Variants in ZNF131 observed in about 807,000 individuals in gnomAD.
ZNF131 encodes the protein zinc finger and BTB domain containing 35.
In ZNF131, 7 loss-of-function variants were observed where a neutral mutation model predicts 60.0. The ratio of observed to expected loss-of-function variants is 0.12; its 90% CI spans 0.07 to 0.22. The LOEUF (loss-of-function observed/expected upper bound fraction) is 0.22, where lower values mean the gene tolerates loss of function less well. Among genes scored for constraint, ZNF131 ranks in the 10% least tolerant of loss-of-function variants. The pLI is 1.00. For synonymous variants in ZNF131, 257 were observed against 253.2 expected (o/e 1.01, Z -0.14); for missense variants, 493 against 740.9 (o/e 0.67, Z 3.88).
At chr5:43,146,908 T>C (rs970393082) in intron 4 of ZNF131, among the ~76,000 whole-genome samples, 4 of 152,008 alleles carry the variant, frequency 2.6e-5, no homozygotes, top group African/African-American at 9.7e-5. Context: ...TCTCAAAATA[T>C]ATATATATAT....
intron 3 of ZNF131, among the ~76,000 whole-genome samples, chr5:43,136,884 A>G (rs2112234534): frequency 6.6e-6 from 1 of 152,216 alleles, no homozygotes; most frequent in Middle Eastern, 3.4e-3. Flanking sequence ...AAGGAGCAGA[A>G]TAGAGAGCCC....
Position 43,122,045 on chromosome 5 carries a change from C to G in ZNF131, c.-9C>G. ...TCATGCTCTTCTTTTGTAGAGCAGC[C>G]CGACGGCCATGGAGGCTGAAGAGAC... On this transcript the variant is annotated 5_prime_UTR_variant, in exon 2 of 7. Coordinates refer to ENST00000682664, the MANE Select transcript of ZNF131 (RefSeq NM_001330707.2). The G allele has an allele frequency of 6.2e-7, 1 of 1,613,850 alleles. No homozygotes were observed. The highest frequency in any genetic ancestry group is 2.2e-5 in the East Asian group (1 of 44,876).
At chr5:43,143,886 A>G (rs1747182253) in intron 4 of ZNF131, among the ~76,000 whole-genome samples, 1 of 114,840 alleles carries the variant, frequency 8.7e-6, no homozygotes, top group Admixed American at 1.0e-4. Flanking sequence ...GTTCTCTGGA[A>G]TATTGTCAGA....
At chr5:43,155,688 G>T (rs900812788) in intron 4 of ZNF131, among the ~76,000 whole-genome samples, 1 of 152,208 alleles carries the variant, frequency 6.6e-6, no homozygotes, top group Admixed American at 6.5e-5. Flanking sequence ...GGCACATACT[G>T]TCCAGCACCC....
At position 43,122,040 on chromosome 5, in the gene ZNF131, G is replaced by C; in HGVS notation, c.-14G>C. The C allele has an allele frequency of 6.2e-7, 1 of 1,613,564 alleles. No individual in the cohort carries two copies. The highest frequency in any genetic ancestry group is 8.5e-7 in the Non-Finnish European group (1 of 1,179,868). On this transcript the variant is annotated splice_region_variant and 5_prime_UTR_variant, in exon 2 of 7. Transcript: ENST00000682664. ...CATTATCATGCTCTTCTTTTGTAGA[G>C]CAGCCCGACGGCCATGGAGGCTGAA...
intron 5 of ZNF131, 39 bp downstream of exon 5, chr5:43,161,970 C>T (rs774420997): frequency 2.0e-6 from 3 of 1,514,624 alleles, no homozygotes; most frequent in East Asian, 4.6e-5. Context: ...TTTTTTCCCA[C>T]ATGCACTTCA....
chr5:43,167,275 A>C (rs976869190), intron 5 of ZNF131, among the ~76,000 whole-genome samples: 1 of 152,214 alleles, frequency 6.6e-6, no homozygotes, highest in African/African-American at 2.4e-5. Context: ...GACAGACGTG[A>C]GGTGAGTACA....
Position 43,139,526 on chromosome 5 carries a change from G to A in ZNF131, c.371+217G>A, listed in dbSNP as rs17242995. Among the ~76,000 whole-genome samples, 14,777 of 152,206 alleles carry A rather than the reference G, an allele frequency of 0.097. 852 individuals are homozygous for A. Among genetic ancestry groups the A allele is most frequent in the East Asian group, 0.19 (969 of 5,178 alleles). ...TGTTAAAACTGCTAATATTAAAGTA[G>A]CATCTTTGGTATGTAATAAAATAAA... is the stretch of plus-strand genomic sequence containing the variant. On this transcript the variant is annotated intron_variant, in intron 4 of 6. Coordinates refer to ENST00000682664, the MANE Select transcript of ZNF131 (RefSeq NM_001330707.2).
At chr5:43,163,494 A>G (rs1750002971) in intron 5 of ZNF131, among the ~76,000 whole-genome samples, 1 of 152,202 alleles carries the variant, frequency 6.6e-6, no homozygotes, top group South Asian at 2.1e-4. Flanking sequence ...GCCTCGCCCC[A>G]CATAGTTCTT....
chr5:43,171,187 A>G (rs1750944786), intron 5 of ZNF131, among the ~76,000 whole-genome samples: 1 of 151,912 alleles, frequency 6.6e-6, no homozygotes, highest in Non-Finnish European at 1.5e-5. Flanking sequence ...ACCTCACGTG[A>G]TCCACCCGCC....
intron 4 of ZNF131, among the ~76,000 whole-genome samples, chr5:43,146,778 C>T (rs748007698): frequency 5.9e-5 from 9 of 151,882 alleles, no homozygotes; most frequent in South Asian, 2.1e-4. Context: ...TGGTGGCGTG[C>T]GCCTATAGTC....
In ZNF131 at chr5:43,161,869, A is replaced by C; in HGVS notation, c.992A>C (p.Gln331Pro). ...QRTGKKIHVC[Q>P]YCEKQFDHFG... is the part of the protein sequence containing the mutation. ...ACTGGGAAAAAAATTCATGTATGTCAGTACTGTGAGAAACAGTTTGACCAT... is the reference window on the plus strand; with the variant it reads ...ACTGGGAAAAAAATTCATGTATGTCCGTACTGTGAGAAACAGTTTGACCAT... Residue 331 changes from glutamine (Q) to proline (P), a missense_variant, in exon 5 of 7, where the codon CAG becomes CCG. Gln to Pro is a moderately conservative substitution (Grantham distance 76). This residue lies in a region of ZNF131 where 22 missense variants were observed against 26.7 expected (regional missense o/e 0.82). Transcript: ENST00000682664. The C allele has an allele frequency of 6.2e-7, 1 of 1,613,128 alleles. No individual in the cohort carries two copies. Among genetic ancestry groups the C allele is most frequent in the Non-Finnish European group, 8.5e-7 (1 of 1,179,656 alleles).
At chr5:43,165,005 C>G (rs1750174434) in intron 5 of ZNF131, among the ~76,000 whole-genome samples, 1 of 152,140 alleles carries the variant, frequency 6.6e-6, no homozygotes, top group African/African-American at 2.4e-5. Context: ...GGCTGGAGTA[C>G]AGTGGCGCGA....
In ZNF131 at chr5:43,141,539, G is replaced by T. The variant is rs564833172; in HGVS notation, c.371+2230G>T. 2.6e-5 allele frequency among the ~76,000 whole-genome samples: 4 copies of T among 152,188 alleles called. No individual in the cohort carries two copies. In the South Asian group the frequency reaches 8.3e-4, roughly 32 times the overall value. On this transcript the variant is annotated intron_variant, in intron 4 of 6. Coordinates refer to ENST00000682664, the MANE Select transcript of ZNF131 (RefSeq NM_001330707.2). Reference sequence around the variant, plus strand: ...TCCCAGCACTTTGGGAGGCCAAGGTGGGTGGATTACTTGGACCTCAGGAGT... The same window carrying T: ...TCCCAGCACTTTGGGAGGCCAAGGTTGGTGGATTACTTGGACCTCAGGAGT...
At chr5:43,169,707 A>C (rs1421669100) in intron 5 of ZNF131, among the ~76,000 whole-genome samples, 2 of 152,214 alleles carry the variant, frequency 1.3e-5, no homozygotes, top group African/African-American at 4.8e-5. Context: ...TGCTGTAGTA[A>C]GCATACTTGT....
At chr5:43,155,709 G>A (rs1748878625) in intron 4 of ZNF131, among the ~76,000 whole-genome samples, 1 of 152,188 alleles carries the variant, frequency 6.6e-6, no homozygotes, top group African/African-American at 2.4e-5. Flanking sequence ...AAAGAGTCCA[G>A]TAGGATACTG....
chr5:43,143,259 G>C, intron 4 of ZNF131: 1 of 509,824 alleles, frequency 2.0e-6, no homozygotes, highest in South Asian at 6.5e-5. Context: ...TTTACCTTGT[G>C]ATCTGCCCGC....
chr5:43,174,467 C>G lies in ZNF131; in HGVS notation c.1206C>G (p.Asn402Lys). The part of the protein sequence containing the change: ...YECQVCNSVF[N>K]SWDQFKDHLV... The stretch of plus-strand genomic sequence containing the variant: ...TTCAGGTCTGCAACAGTGTGTTTAA[C>G]AGCTGGGACCAGTTCAAAGATCACT... The change falls in exon 7 of 7, where the codon AAC becomes AAG. Residue 402 changes from asparagine to lysine, a missense_variant. By Grantham distance (94) the Asn-to-Lys change is moderately conservative. This residue lies in a region of ZNF131 where 33 missense variants were observed against 67.9 expected (regional missense o/e 0.49). Coordinates refer to ENST00000682664, the MANE Select transcript of ZNF131 (RefSeq NM_001330707.2). 1 of 1,528,346 alleles carries G rather than the reference C, an allele frequency of 6.5e-7. No individual in the cohort carries two copies. The allele number at this position is 1,528,346 out of a possible 1,614,324, so 94.7% of individuals were successfully genotyped here.
chr5:43,152,848 G>T (rs778131367), intron 4 of ZNF131, among the ~76,000 whole-genome samples: 4 of 151,980 alleles, frequency 2.6e-5, no homozygotes, highest in African/African-American at 9.7e-5. Context: ...GGACTCAAGC[G>T]ATCCTCCCGC....
Sources: gnomAD v4.1 joint callset for allele counts (sites outside exome capture counted in the v4.1 genomes callset) on GRCh38, gnomAD v4.1.1 for gene constraint, gnomAD v4.1.1 regional missense constraint, MANE v1.5 for transcripts, NCBI Gene and HGNC (gene_info 2026-07-23, HGNC 2026-07-21) for gene names.